GLIS3: variants seen among roughly 807,000 people sequenced by gnomAD.
GLIS3 encodes the protein GLIS family zinc finger 3.
GLIS3 carries 53 observed loss-of-function variants against 78.6 expected under a neutral mutation model. That is an observed-to-expected ratio of 0.67 (90% CI 0.54 to 0.85). The LOEUF is 0.85. Among genes scored for constraint, GLIS3 ranks in the 40% least tolerant of loss-of-function variants. The pLI, the probability that GLIS3 is intolerant of heterozygous loss-of-function variation, is 0.00. For missense variants in GLIS3, 1,703 were observed against 1,231.1 expected, an observed-to-expected ratio of 1.38 and a Z score of -5.74; for synonymous variants, 684 against 509.9, an observed-to-expected ratio of 1.34 and a Z score of -4.60.
chr9:4,016,998 G>C (rs1023334961), intron 4 of GLIS3, among the ~76,000 whole-genome samples: 2 of 152,190 alleles, frequency 1.3e-5, no homozygotes, highest in African/African-American at 2.4e-5. Flanking sequence ...TCAATGTCCA[G>C]GAACAACCAT....
chr9:4,059,827 TGTGA>T lies in GLIS3; in HGVS notation c.1710+57937_1710+57940del, dbSNP rs1193088020. Among the ~76,000 whole-genome samples, 203 of 106,802 alleles carry T rather than the reference TGTGA, an allele frequency of 1.9e-3. 1 individual carries two copies. Among genetic ancestry groups the T allele is most frequent in the African/African-American group, 6.1e-3 (180 of 29,542 alleles). The allele number at this position is 106,802 out of a possible 152,430, so 70.1% of individuals were successfully genotyped here. On this transcript the variant is annotated intron_variant, in intron 4 of 10. Transcript: ENST00000381971. ...ATTTGTGTGTGTGTGTGTGTGTGTG[TGTGA>T]GAGAGAGAGAGAGAGAGAGAGAGAG...
At chr9:4,416,252 T>TTTAA in the GLIS3 span, among the ~76,000 whole-genome samples, 3,051 of 75,706 alleles carry the variant, frequency 0.04, 321 homozygotes, top group African/African-American at 0.12. Context: ...ACACTGTTTT[T>TTTAA]AAAAAAAAAA....
At chr9:4,124,344 C>A (rs762708096) in intron 3 of GLIS3, among the ~76,000 whole-genome samples, 9 of 152,152 alleles carry the variant, frequency 5.9e-5, no homozygotes, top group Non-Finnish European at 1.0e-4. Context: ...CCTCTCTGGC[C>A]GACCCATAAA....
chr9:3,973,281 T>C (rs1249714470), intron 4 of GLIS3, among the ~76,000 whole-genome samples: 1 of 152,084 alleles, frequency 6.6e-6, no homozygotes, highest in Non-Finnish European at 1.5e-5. Context: ...TCTAGAGTTT[T>C]TATTAGGGCT....
rs942837716 is a variant in GLIS3 at position 3,903,058 on chromosome 9, T to C, written c.1984-4223A>G. 3.9e-5 allele frequency among the ~76,000 whole-genome samples: 6 copies of C among 152,216 alleles called. No individual in the cohort carries two copies. The East Asian group carries it at 1.2e-3, about 29-fold the overall frequency. ...GATGAATATGTCATGTTTTGTAGCTTGTTGTCATCATAAAATATCTTGGCA... is the reference window on the plus strand; with the variant it reads ...GATGAATATGTCATGTTTTGTAGCTCGTTGTCATCATAAAATATCTTGGCA... On this transcript the variant is annotated intron_variant, in intron 6 of 10. Transcript: ENST00000381971.
chr9:4,163,542 C>G (rs1039246699), intron 2 of GLIS3, among the ~76,000 whole-genome samples: 6 of 152,204 alleles, frequency 3.9e-5, no homozygotes, highest in African/African-American at 1.4e-4. Flanking sequence ...GTATTTCTAC[C>G]CAGGCAGTAA....
At chr9:4,375,921 T>C in the GLIS3 span, among the ~76,000 whole-genome samples, 1 of 152,196 alleles carries the variant, frequency 6.6e-6, no homozygotes, top group Non-Finnish European at 1.5e-5. Context: ...AACCAGTTTC[T>C]AGTGCCAGCT....
intron 2 of GLIS3, among the ~76,000 whole-genome samples, chr9:4,190,602 C>T (rs1818243171): frequency 6.6e-6 from 1 of 150,992 alleles, no homozygotes; most frequent in African/African-American, 2.4e-5. Context: ...AGTTGGAAAA[C>T]ACTCTGCAGG....
At chr9:4,485,012 G>C in the GLIS3 span, among the ~76,000 whole-genome samples, 2 of 138,798 alleles carry the variant, frequency 1.4e-5, no homozygotes, top group Non-Finnish European at 3.1e-5. Context: ...TCCTTTTTTT[G>C]GGGGGGTGGG....
At chr9:4,483,971 A>C in the GLIS3 span, among the ~76,000 whole-genome samples, 1 of 152,198 alleles carries the variant, frequency 6.6e-6, no homozygotes, top group Non-Finnish European at 1.5e-5. Context: ...GACCAAGTGA[A>C]TTAGTTTGGG....
intron 1 of GLIS3, among the ~76,000 whole-genome samples, chr9:4,294,392 C>G (rs967150342): frequency 1.3e-5 from 2 of 152,060 alleles, no homozygotes; most frequent in Non-Finnish European, 2.9e-5. Context: ...GCCTGTAATC[C>G]CAACTACTTG....
chr9:4,363,759 C>G, the GLIS3 span, among the ~76,000 whole-genome samples: 1 of 152,190 alleles, frequency 6.6e-6, no homozygotes, highest in African/African-American at 2.4e-5. Context: ...TTTCATTTGT[C>G]TTGTCTGAAA....
intron 2 of GLIS3, among the ~76,000 whole-genome samples, chr9:4,341,980 T>C (rs1378092435): frequency 6.6e-6 from 1 of 152,232 alleles, no homozygotes; most frequent in Non-Finnish European, 1.5e-5. Context: ...TTAAGTTCCT[T>C]GTGGATTCTG....
the GLIS3 span, among the ~76,000 whole-genome samples, chr9:4,406,423 C>T: frequency 0.022 from 3,330 of 152,228 alleles, 41 homozygotes; most frequent in Middle Eastern, 0.044. Flanking sequence ...CAGGTTCCAG[C>T]GATTCTCCTG....
At chr9:4,076,995 G>A (rs917613012) in intron 4 of GLIS3, among the ~76,000 whole-genome samples, 2 of 152,150 alleles carry the variant, frequency 1.3e-5, no homozygotes, top group African/African-American at 4.8e-5. Context: ...GGAGGTGGAG[G>A]TTGCCGTGAG....
intron 2 of GLIS3, among the ~76,000 whole-genome samples, chr9:4,202,817 G>C (rs900263026): frequency 6.6e-6 from 1 of 152,148 alleles, no homozygotes; most frequent in Admixed American, 6.5e-5. Context: ...CAAAAATTAA[G>C]TCAAGATGGA....
chr9:4,326,636 C>T (rs34466333), intron 2 of GLIS3, among the ~76,000 whole-genome samples: 18,114 of 151,984 alleles, frequency 0.12, 1,352 homozygotes, highest in East Asian at 0.22. Flanking sequence ...GGCACAACAA[C>T]GTGAATGTTC....
intron 2 of GLIS3, among the ~76,000 whole-genome samples, chr9:4,225,831 G>A (rs1821723179): frequency 6.6e-6 from 1 of 152,208 alleles, no homozygotes. Context: ...GAAGTAAGGG[G>A]AAGACTGCAT....
At chr9:4,448,204 G>A in the GLIS3 span, among the ~76,000 whole-genome samples, 217 of 152,206 alleles carry the variant, frequency 1.4e-3, no homozygotes, top group South Asian at 1.7e-3. Context: ...AGATATAATC[G>A]GTTCTTTGCT....
Sources: gnomAD v4.1 joint callset for allele counts (sites outside exome capture counted in the v4.1 genomes callset) on GRCh38, gnomAD v4.1.1 for gene constraint, MANE v1.5 for transcripts, NCBI Gene and HGNC (gene_info 2026-07-23, HGNC 2026-07-21) for gene names.